Variants in ATP8B4 observed in about 807,000 individuals in gnomAD.
ATP8B4 encodes the protein ATPase phospholipid transporting 8B4 (putative).
ATP8B4 carries 133 observed loss-of-function variants against 145.6 expected under a neutral mutation model. The observed-to-expected ratio is 0.91, with a 90% CI of 0.79 to 1.05. The LOEUF (loss-of-function observed/expected upper bound fraction) is 1.05. ATP8B4 is among the 50% of genes least tolerant of loss of function. ATP8B4 has a pLI of 0.00. For synonymous variants in ATP8B4, 507 were observed against 492.9 expected, an observed-to-expected ratio of 1.03 and a Z score of -0.38; for missense variants, 1,458 against 1,425.2, an observed-to-expected ratio of 1.02 and a Z score of -0.37.
chr15:50,077,458 A>C (rs2054256460), intron 2 of ATP8B4, among the ~76,000 whole-genome samples: 1 of 152,228 alleles, frequency 6.6e-6, no homozygotes, highest in African/African-American at 2.4e-5. Flanking sequence ...TTTGACTGGG[A>C]GAAAAAAGAT....
intron 6 of ATP8B4, among the ~76,000 whole-genome samples, chr15:50,031,379 G>A (rs8030284): frequency 0.065 from 9,899 of 151,994 alleles, 363 homozygotes; most frequent in Non-Finnish European, 0.085. Context: ...AAAAGACTCC[G>A]GTAGTTGGTC....
At chr15:50,087,026 TAATAA>T (rs1382626884) in intron 2 of ATP8B4, among the ~76,000 whole-genome samples, 6 of 116,096 alleles carry the variant, frequency 5.2e-5, no homozygotes, top group Admixed American at 3.0e-4. Flanking sequence ...TTATTATATA[TAATAA>T]AATAATATAG....
intron 9 of ATP8B4, among the ~76,000 whole-genome samples, chr15:49,988,427 G>A (rs1008831643): frequency 1.3e-5 from 2 of 151,918 alleles, no homozygotes; most frequent in African/African-American, 4.8e-5. Context: ...AGACGTGAAA[G>A]AACAGAATGG....
At chr15:50,072,709 T>TC (rs2053821630) in intron 3 of ATP8B4, among the ~76,000 whole-genome samples, 1 of 151,618 alleles carries the variant, frequency 6.6e-6, no homozygotes, top group African/African-American at 2.4e-5. Flanking sequence ...CACTGCAACC[T>TC]CCACCTCCTG....
rs1002275070 is a variant in ATP8B4, at chr15:50,174,099, T to C, written c.-43+8162A>G. On this transcript the variant is annotated intron_variant, in intron 1 of 3. Transcript: ENST00000558829. ...CATTCAACAAAATCCAGCATCTCTT[T>C]ATGATTAAAACTTTCAGCAAAATCG... is the stretch of plus-strand genomic sequence containing the variant. Among the ~76,000 whole-genome samples, 7 of 152,308 alleles carry C rather than the reference T, an allele frequency of 4.6e-5. No homozygotes were observed. The East Asian group carries it at 1.4e-3, about 29-fold the overall frequency.
rs116299567 is a variant in ATP8B4, at chr15:49,930,496, G to A, written c.1642+623C>T. ...CAGGAAAGCACAGATTTGTTGTGGT[G>A]CTAAATATAATATTAGGTGGTCCTC... On this transcript the variant is annotated intron_variant, in intron 16 of 27. Transcript: ENST00000284509. 5.0e-3 allele frequency among the ~76,000 whole-genome samples: 760 copies of A among 152,184 alleles called. 8 individuals carry two copies. The highest frequency in any genetic ancestry group is 0.018 in the African/African-American group (743 of 41,530).
chr15:50,024,510 A>G (rs1431805761), intron 6 of ATP8B4, among the ~76,000 whole-genome samples: 2 of 152,210 alleles, frequency 1.3e-5, no homozygotes, highest in Admixed American at 1.3e-4. Flanking sequence ...GAAAGGGGAA[A>G]GCATGTAAGA....
chr15:50,166,019 T>C (rs966409046), intron 1 of ATP8B4, among the ~76,000 whole-genome samples: 1 of 142,138 alleles, frequency 7.0e-6, no homozygotes, highest in African/African-American at 2.6e-5. Flanking sequence ...CTCATCTAAC[T>C]GCTGAAAATT....
At chr15:49,933,461 A>G (rs1415935567) in intron 15 of ATP8B4, among the ~76,000 whole-genome samples, 1 of 152,034 alleles carries the variant, frequency 6.6e-6, no homozygotes, top group African/African-American at 2.4e-5. Context: ...GTTTTGTTCT[A>G]TCCTATGAAC....
chr15:49,924,815 G>A (rs2040568150), intron 16 of ATP8B4, among the ~76,000 whole-genome samples: 1 of 152,034 alleles, frequency 6.6e-6, no homozygotes, highest in South Asian at 2.1e-4. Flanking sequence ...CCCCTACATT[G>A]GGGAAAAAGA....
Position 49,917,046 on chromosome 15 carries a change from C to T in ATP8B4, c.2036-7G>A, listed in dbSNP as rs376322095. ...CCGATGTTGATGGCAGTTTCTAACA[C>T]AAAATAAAGCCCAATTCAGTTAAAA... On this transcript the variant is annotated splice_region_variant and splice_polypyrimidine_tract_variant and intron_variant, in intron 19 of 27. Coordinates refer to ENST00000284509, the MANE Select transcript of ATP8B4 (RefSeq NM_024837.4). The T allele has an allele frequency of 3.1e-6, 5 of 1,612,272 alleles. No individual in the cohort carries two copies. Among genetic ancestry groups the T allele is most frequent in the African/African-American group, 1.3e-5 (1 of 74,886 alleles).
intron 2 of ATP8B4, among the ~76,000 whole-genome samples, chr15:50,105,730 T>G (rs2056644258): frequency 6.6e-6 from 1 of 152,200 alleles, no homozygotes; most frequent in Non-Finnish European, 1.5e-5. Context: ...TTCCAAAAAT[T>G]TCCTACTTTT....
chr15:50,115,556 G>T (rs554092349), intron 1 of ATP8B4, among the ~76,000 whole-genome samples: 1 of 151,862 alleles, frequency 6.6e-6, no homozygotes, highest in Non-Finnish European at 1.5e-5. Context: ...AAGGAACAGC[G>T]TGAGGAAAGG....
At chr15:49,904,134 C>T (rs2038355491) in intron 20 of ATP8B4, among the ~76,000 whole-genome samples, 1 of 152,130 alleles carries the variant, frequency 6.6e-6, no homozygotes, top group Non-Finnish European at 1.5e-5. Context: ...ATTCACAGTT[C>T]TTGGTCTACT....
rs567173125 is a variant in ATP8B4, at chr15:50,047,438, A to C, written c.114T>G (p.Tyr38Ter). The change falls in exon 4 of 28, where the codon TAT becomes TAG. Residue 38 changes from tyrosine to a stop codon, truncating the protein, a stop_gained. Coordinates refer to ENST00000284509, the MANE Select transcript of ATP8B4 (RefSeq NM_024837.4). LOFTEE classifies it high-confidence loss of function. ...YADNRIHTSK[Y>*]NILTFLPINL... ...TAATTGGCAAGAAGGTGAGAATATT[A>C]TATTTCGATGTGTGGATACGATTAT... The C allele has an allele frequency of 8.4e-5, 133 of 1,588,220 alleles. No individual in the cohort carries two copies. The South Asian group carries it at 1.2e-3, about 14-fold the overall frequency.
At chr15:50,106,796 A>G in intron 2 of ATP8B4, 143 bp downstream of exon 2, 2 of 684,128 alleles carry the variant, frequency 2.9e-6, no homozygotes, top group Non-Finnish European at 2.3e-6. Flanking sequence ...TTGTAGTTAC[A>G]TGGGTGTATA....
intron 9 of ATP8B4, among the ~76,000 whole-genome samples, chr15:49,991,899 A>G (rs959309751): frequency 2.0e-5 from 3 of 152,150 alleles, no homozygotes; most frequent in Non-Finnish European, 4.4e-5. Flanking sequence ...GAATATTTTA[A>G]AATTTCATTT....
chr15:50,014,436 T>C (rs905013260), intron 6 of ATP8B4, among the ~76,000 whole-genome samples: 7 of 152,320 alleles, frequency 4.6e-5, no homozygotes, highest in Middle Eastern at 3.4e-3. Flanking sequence ...TATAGAATCA[T>C]TATTTCCAAA....
chr15:50,024,987 C>A lies in ATP8B4; in HGVS notation c.362+13781G>T, dbSNP rs570904719. ...AAACACACAATATATGAATACTTCT[C>A]CTTGCCCCATATTAGTTACAGGGAA... is the stretch of plus-strand genomic sequence containing the variant. On this transcript the variant is annotated intron_variant, in intron 6 of 27. Transcript: ENST00000284509. Among the ~76,000 whole-genome samples, 90 of 152,306 alleles carry A rather than the reference C, an allele frequency of 5.9e-4. No homozygotes were observed. In the South Asian group the frequency reaches 0.018, roughly 30 times the overall value.
Sources: allele counts gnomAD v4.1 joint callset (sites outside exome capture counted in the v4.1 genomes callset), GRCh38; gene constraint gnomAD v4.1.1; transcripts MANE v1.5; gene names NCBI Gene and HGNC (gene_info 2026-07-23, HGNC 2026-07-21).